C19orf38: variants seen among roughly 807,000 people sequenced by gnomAD.
C19orf38 encodes chromosome 19 open reading frame 38, also known as protein HIDE1.
In C19orf38, 14 loss-of-function variants were observed where a neutral mutation model predicts 26.6. The observed-to-expected ratio is 0.53, with a 90% confidence interval of 0.35 to 0.82. The LOEUF (loss-of-function observed/expected upper bound fraction) is 0.82. Ranked by LOEUF, C19orf38 falls within the 40% of genes least tolerant of loss-of-function variation. The pLI is 0.01. For missense variants in C19orf38, 261 were observed against 299.5 expected, an observed-to-expected ratio of 0.87 and a Z score of 0.95; for synonymous variants, 132 against 128.5, an observed-to-expected ratio of 1.03 and a Z score of -0.18.
chr19:10,847,456 C>T (rs1267346611), upstream of C19orf38, among the ~76,000 whole-genome samples: 3 of 147,914 alleles, frequency 2.0e-5, no homozygotes, highest in Non-Finnish European at 4.5e-5. Flanking sequence ...TCACCACAAT[C>T]TCCATCTCCT....
At chr19:10,847,584 G>A (rs1426916572), upstream of C19orf38, among the ~76,000 whole-genome samples, 1 of 151,126 alleles carries the variant, frequency 6.6e-6, no homozygotes, top group Non-Finnish European at 1.5e-5. Context: ...CGTTGGCCTG[G>A]TCTCGAACTC....
intron 1 of C19orf38, among the ~76,000 whole-genome samples, chr19:10,837,083 C>T (rs528512392): frequency 4.6e-5 from 7 of 152,198 alleles, no homozygotes; most frequent in Admixed American, 2.6e-4. Flanking sequence ...TCAGTTTCCT[C>T]TTCTGCAAAA....
At chr19:10,859,346 GTGTATA>G (rs1160541341) in intron 4 of C19orf38, among the ~76,000 whole-genome samples, 13 of 44,096 alleles carry the variant, frequency 2.9e-4, no homozygotes, top group East Asian at 1.1e-3. Flanking sequence ...GTGTGTGTGT[GTGTATA>G]TATATATATA....
chr19:10,854,597 C>CT, intron 2 of C19orf38, among the ~76,000 whole-genome samples: 1 of 152,186 alleles, frequency 6.6e-6, no homozygotes, highest in South Asian at 2.1e-4. Flanking sequence ...TACCAAGCGT[C>CT]TGTCTTCTTC....
Position 10,869,402 on chromosome 19 carries a change from A to C in C19orf38, c.*35A>C. The C allele has an allele frequency of 6.6e-7, 1 of 1,521,558 alleles. No individual in the cohort carries two copies. The highest frequency in any genetic ancestry group is 8.8e-7 in the Non-Finnish European group (1 of 1,133,640). 94.3% of individuals were successfully genotyped at this position (1,521,558 alleles called of 1,614,324 possible). ...CTGGGGGACCCCTCTGTCTCCAGGCATTCGGGGGCCTGAGGTCCCTCCAGC... is the reference window on the plus strand; with the variant it reads ...CTGGGGGACCCCTCTGTCTCCAGGCCTTCGGGGGCCTGAGGTCCCTCCAGC... On this transcript the variant is annotated 3_prime_UTR_variant, in exon 7 of 7. Transcript: ENST00000397820.
Position 10,859,368 on chromosome 19 carries a change from ATATATATATATATATATT to A in C19orf38, c.462-545_462-528del, listed in dbSNP as rs373150444. Among the ~76,000 whole-genome samples the A allele has an allele frequency of 1.3e-3, 78 of 57,890 alleles. 2 individuals carry two copies. Among genetic ancestry groups the A allele is most frequent in the African/African-American group, 4.7e-3 (51 of 10,916 alleles). 38.0% of individuals were successfully genotyped at this position (57,890 alleles called of 152,430 possible). A position where few individuals can be genotyped will look rare whatever the true frequency, so the allele number is the denominator to read the frequency against. On this transcript the variant is annotated intron_variant, in intron 4 of 6. Transcript: ENST00000397820. ...TGTGTGTATATATATATATATATAT[ATATATATATATATATATT>A]TTTTTTTTTTTTTTTAGACGGAGTC... is the stretch of plus-strand genomic sequence containing the variant.
chr19:10,848,483 G>A lies in C19orf38; in HGVS notation c.-26G>A. 6.4e-7 allele frequency: 1 copy of A among 1,551,586 alleles called. No homozygotes were observed. The highest frequency in any genetic ancestry group is 8.7e-7 in the Non-Finnish European group (1 of 1,146,894). ...CCTTGGGCCCCTCTGGCCTCAGCCG[G>A]ATTTCCCAGCCAAACGCAGAGAGAG... On this transcript the variant is annotated 5_prime_UTR_variant, in exon 1 of 7. Transcript: ENST00000397820.
chr19:10,847,237 G>C (rs2073525202), upstream of C19orf38, among the ~76,000 whole-genome samples: 1 of 152,132 alleles, frequency 6.6e-6, no homozygotes. Flanking sequence ...ATCTGGAACT[G>C]GTATTCCCTT....
intron 2 of C19orf38, among the ~76,000 whole-genome samples, 161 bp from the exon 3 acceptor site, chr19:10,856,104 G>C (rs190142790): frequency 6.6e-6 from 1 of 152,154 alleles, no homozygotes; most frequent in Non-Finnish European, 1.5e-5. Flanking sequence ...GCCAGGAGCG[G>C]GGGATAGGCT....
chr19:10,855,927 G>C lies in C19orf38; in HGVS notation c.341-338G>C, dbSNP rs543988221. ...AATCCACCTGCCTCAGCCTCCCAAA[G>C]TGTTGGGATTACAGGCATGAATCAC... On this transcript the variant is annotated intron_variant, in intron 2 of 6. Transcript: ENST00000397820. 3.9e-5 allele frequency among the ~76,000 whole-genome samples: 6 copies of C among 152,220 alleles called. 1 individual carries two copies. The highest frequency in any genetic ancestry group is 6.5e-5 in the Admixed American group (1 of 15,272).
Position 10,850,263 on chromosome 19 carries a change from C to G in C19orf38, c.36C>G (p.Ser12=), listed in dbSNP as rs1395698838. 1.9e-6 allele frequency: 3 copies of G among 1,549,530 alleles called. No homozygotes were observed. Among genetic ancestry groups the G allele is most frequent in the East Asian group, 4.9e-5 (2 of 40,912 alleles). The change falls in exon 2 of 7, where the codon TCC becomes TCG. Residue 12 remains serine, a synonymous_variant. Transcript: ENST00000397820. ...ACCTTACCCTCTGCATTGCAGGCTC[C>G]TTGGCGATCCCAGCACCATCCATCC... ...PWTILLFAAG[S]LAIPAPSIRL... is the part of the protein sequence containing the mutation.
chr19:10,842,174 T>C, intron 1 of C19orf38: 7 of 1,563,904 alleles, frequency 4.5e-6, no homozygotes, highest in Middle Eastern at 1.7e-4. Context: ...AAATGTTCAT[T>C]CCGGCAAATG....
upstream of C19orf38, among the ~76,000 whole-genome samples, chr19:10,845,975 TC>T (rs1213535639): frequency 6.6e-6 from 1 of 151,026 alleles, no homozygotes; most frequent in Admixed American, 6.6e-5. Flanking sequence ...GCCCAGGAGT[TC>T]AAGATCAGGC....
In C19orf38 at chr19:10,869,275, AC is replaced by A; in HGVS notation, c.606del (p.Ser203AlafsTer124). ...TLDDHSGTTA[T>X]PSNSRTRKRP... ...GGATGATCACTCAGGCACCACTGCCACCCCCAGCAACTCCAGGACCCGGAAG... is the reference window on the plus strand; with the variant it reads ...GGATGATCACTCAGGCACCACTGCCACCCCAGCAACTCCAGGACCCGGAAG... On this transcript the variant is annotated frameshift_variant, in exon 7 of 7. Coordinates refer to ENST00000397820, the MANE Select transcript of C19orf38 (RefSeq NM_001136482.3). LOFTEE classifies it high-confidence loss of function. The A allele has an allele frequency of 6.4e-7, 1 of 1,551,454 alleles. No homozygotes were observed. Among genetic ancestry groups the A allele is most frequent in the South Asian group, 1.2e-5 (1 of 84,036 alleles).
At chr19:10,866,672 G>A (rs545760785) in intron 6 of C19orf38, among the ~76,000 whole-genome samples, 7 of 150,528 alleles carry the variant, frequency 4.7e-5, no homozygotes, top group Admixed American at 2.6e-4. Flanking sequence ...TTTTGGAGAC[G>A]GAGTTTCGCA....
At position 10,850,491 on chromosome 19, in the gene C19orf38, C is replaced by G. The variant is rs891309215; in HGVS notation, c.264C>G (p.Cys88Trp). The G allele has an allele frequency of 1.3e-6, 2 of 1,551,532 alleles. No individual in the cohort carries two copies. Among genetic ancestry groups the G allele is most frequent in the Non-Finnish European group, 1.7e-6 (2 of 1,147,002 alleles). ...SSKAPGGPFH[C>W]QYGVLGELNQ... The stretch of plus-strand genomic sequence containing the variant: ...AGGCTCCAGGGGGACCCTTCCACTG[C>G]CAGTATGGAGTGTTAGGTGAGCTCA... Residue 88 changes from cysteine (C) to tryptophan (W), a missense_variant, in exon 2 of 7, where the codon TGC (cysteine) becomes TGG (tryptophan). Cys to Trp is a radical substitution (Grantham distance 215, BLOSUM62 -2). Transcript: ENST00000397820.
At chr19:10,864,288 T>G (rs2034626593) in intron 6 of C19orf38, among the ~76,000 whole-genome samples, 1 of 152,060 alleles carries the variant, frequency 6.6e-6, no homozygotes, top group Non-Finnish European at 1.5e-5. Flanking sequence ...CTCAAACTCC[T>G]GACCTCAGGT....
At chr19:10,840,630 TG>T (rs1405997206) in intron 1 of C19orf38, among the ~76,000 whole-genome samples, 4 of 152,260 alleles carry the variant, frequency 2.6e-5, no homozygotes, top group African/African-American at 9.6e-5. Flanking sequence ...GTGATTCTTC[TG>T]CCTCAGCCTC....
In C19orf38 at chr19:10,859,974, C is replaced by T. The variant is rs1038252921; in HGVS notation, c.505+16C>T. The T allele has an allele frequency of 3.2e-6, 5 of 1,548,870 alleles. No homozygotes were observed. The highest frequency in any genetic ancestry group is 1.7e-4 in the Middle Eastern group (1 of 5,984). ...GACAGCACAGGTCTGTGCCTCCACA[C>T]TCCTGACTCCAGTGGGGAAAGGATT... is the stretch of plus-strand genomic sequence containing the variant. On this transcript the variant is annotated intron_variant, in intron 5 of 6. Transcript: ENST00000397820.
Sources: gnomAD v4.1 joint callset for allele counts (sites outside exome capture counted in the v4.1 genomes callset) on GRCh38, gnomAD v4.1.1 for gene constraint, MANE v1.5 for transcripts, NCBI Gene and HGNC (gene_info 2026-07-23, HGNC 2026-07-21) for gene names.